Variants in TCAIM observed in about 807,000 individuals in gnomAD.
The protein encoded by TCAIM is T-cell activation inhibitor, mitochondrial.
Under a neutral mutation model 58.6 loss-of-function variants are expected in TCAIM, and 36 were observed. That is an observed-to-expected ratio of 0.61 (90% CI 0.47 to 0.81). TCAIM has a LOEUF of 0.81. Ranked by LOEUF, TCAIM falls within the 30% of genes least tolerant of loss-of-function variation. TCAIM has a pLI of 0.00. For synonymous variants in TCAIM, 172 were observed against 193.6 expected (o/e 0.89, Z 0.93); for missense variants, 466 against 579.6 (o/e 0.80, Z 2.01).
At chr3:44,386,209 CAA>C (rs10576012) in intron 5 of TCAIM, among the ~76,000 whole-genome samples, 717 of 54,944 alleles carry the variant, frequency 0.013, 3 homozygotes, top group African/African-American at 0.051. Context: ...CCAGAAGCTC[CAA>C]AAAAAAAAAA....
chr3:44,373,620 C>T (rs553022488), intron 5 of TCAIM, among the ~76,000 whole-genome samples: 3 of 151,956 alleles, frequency 2.0e-5, no homozygotes, highest in Non-Finnish European at 4.4e-5. Flanking sequence ...TGCCACTGCA[C>T]TCTAGCGTGG....
At chr3:44,391,719 A>G (rs1430083036) in intron 5 of TCAIM, among the ~76,000 whole-genome samples, 1 of 152,152 alleles carries the variant, frequency 6.6e-6, no homozygotes. Context: ...CTAGATTGGT[A>G]AGGTCTGACC....
intron 5 of TCAIM, among the ~76,000 whole-genome samples, chr3:44,387,305 C>T (rs1012174138): frequency 1.3e-5 from 2 of 152,220 alleles, no homozygotes; most frequent in Admixed American, 1.3e-4. Context: ...GCTCACCCTC[C>T]AGTTGTCCAC....
rs115492195 is a variant in TCAIM, at chr3:44,351,815, G to A, written c.-44-2924G>A. 8.9e-3 allele frequency among the ~76,000 whole-genome samples: 1,355 copies of A among 152,008 alleles called. 20 individuals carry two copies. Among genetic ancestry groups the A allele is most frequent in the African/African-American group, 0.032 (1,308 of 41,464 alleles). ...CAACCCACCTTTTTAATATTTAAAT[G>A]GATACCTATAAATGCATTCTGTCTC... On this transcript the variant is annotated intron_variant, in intron 1 of 10. Transcript: ENST00000342649.
intron 1 of TCAIM, 21 bp downstream of exon 1, chr3:44,338,855 G>A (rs1223339259): frequency 6.6e-6 from 1 of 152,294 alleles, no homozygotes; most frequent in Non-Finnish European, 1.5e-5. Context: ...AGAGGGGAGG[G>A]GCTCCGGTGG....
chr3:44,379,187 CA>C lies in TCAIM; in HGVS notation c.572+11492del, dbSNP rs757481300. Among the ~76,000 whole-genome samples, 304 of 122,122 alleles carry C rather than the reference CA, an allele frequency of 2.5e-3. 2 individuals are homozygous for C. Among genetic ancestry groups the C allele is most frequent in the East Asian group, 3.1e-3 (13 of 4,244 alleles). 80.1% of individuals were successfully genotyped at this position (122,122 alleles called of 152,430 possible). A position where few individuals can be genotyped will look rare whatever the true frequency, so the allele number is the denominator to read the frequency against. On this transcript the variant is annotated intron_variant, in intron 5 of 10. Transcript: ENST00000342649. ...TGGGTGACAGAGCAAGGCCCTGTCT[CA>C]AAAAAAAAAAAATTAATTAATAAAT...
chr3:44,357,627 A>T, intron 2 of TCAIM, 114 bp from the exon 3 acceptor site: 1 of 1,340,370 alleles, frequency 7.5e-7, no homozygotes, highest in Non-Finnish European at 9.9e-7. Context: ...ACCACAAAGT[A>T]TCTATCTTGT....
chr3:44,383,039 G>A (rs1701677996), intron 5 of TCAIM, among the ~76,000 whole-genome samples: 1 of 152,064 alleles, frequency 6.6e-6, no homozygotes, highest in Admixed American at 6.5e-5. Flanking sequence ...TGGGTGTGAG[G>A]TACCTAATCA....
In TCAIM at chr3:44,357,922, A is replaced by G. The variant is rs762345854; in HGVS notation, c.165+46A>G. On this transcript the variant is annotated intron_variant, in intron 3 of 10. Transcript: ENST00000342649. ...AAACCATTAGTGTACATTTCTGCTT[A>G]TTTACCTTTGATACAATATAATACA... 2.5e-6 allele frequency: 4 copies of G among 1,596,186 alleles called. No homozygotes were observed. The African/African-American group carries it at 4.1e-5, about 16-fold the overall frequency.
At chr3:44,341,074 A>G (rs1024985305) in intron 1 of TCAIM, 2 of 152,154 alleles carry the variant, frequency 1.3e-5, no homozygotes, top group African/African-American at 2.4e-5. Flanking sequence ...ATTTTGTTGA[A>G]TGGATAGCAG....
At chr3:44,354,402 G>C (rs983572435) in intron 1 of TCAIM, among the ~76,000 whole-genome samples, 32 of 152,012 alleles carry the variant, frequency 2.1e-4, no homozygotes, top group African/African-American at 7.7e-4. Context: ...TGGGTCTTTT[G>C]TCTCTCTTTA....
chr3:44,340,227 G>A (rs562934389), intron 1 of TCAIM: 1 of 152,332 alleles, frequency 6.6e-6, no homozygotes, highest in Admixed American at 6.5e-5. Context: ...GAAAGAGGAA[G>A]AACATTAGAT....
At chr3:44,388,622 T>C (rs1234139997) in intron 5 of TCAIM, among the ~76,000 whole-genome samples, 1 of 152,252 alleles carries the variant, frequency 6.6e-6, no homozygotes, top group Non-Finnish European at 1.5e-5. Flanking sequence ...GCTATATAAA[T>C]ATCCTTTTAC....
At chr3:44,393,542 T>C (rs1417281019) in intron 6 of TCAIM, among the ~76,000 whole-genome samples, 1 of 152,180 alleles carries the variant, frequency 6.6e-6, no homozygotes, top group Non-Finnish European at 1.5e-5. Context: ...TTTGGCGTAA[T>C]AAACTTTTTT....
At chr3:44,345,277 G>A (rs978265687) in intron 1 of TCAIM, among the ~76,000 whole-genome samples, 2 of 151,884 alleles carry the variant, frequency 1.3e-5, no homozygotes, top group African/African-American at 4.8e-5. Flanking sequence ...GCCTGGATAC[G>A]GTTTTGTATG....
rs1701937541 is a variant in TCAIM, at chr3:44,396,493, A to G, written c.789A>G (p.Ala263=). ...AGAATTTGGAAACACTTAAAAAAGC[A>G]AAAGGTAAACATTTTCCATTTTCTT... ...AQQNLETLKK[A]KGCTIIFTDR... The change falls in exon 7 of 11, where the codon GCA becomes GCG. Residue 263 remains alanine (A), a synonymous_variant. Transcript: ENST00000342649. 2 of 1,612,240 alleles carry G rather than the reference A, an allele frequency of 1.2e-6. No individual in the cohort carries two copies. Among genetic ancestry groups the G allele is most frequent in the African/African-American group, 2.7e-5 (2 of 74,616 alleles).
intron 1 of TCAIM, among the ~76,000 whole-genome samples, chr3:44,349,172 T>C (rs1025332513): frequency 6.6e-5 from 10 of 151,806 alleles, no homozygotes; most frequent in African/African-American, 2.2e-4. Context: ...AAGGAACAGA[T>C]AAGAGAGAAA....
At chr3:44,374,798 A>G (rs909919746) in intron 5 of TCAIM, among the ~76,000 whole-genome samples, 11 of 152,110 alleles carry the variant, frequency 7.2e-5, no homozygotes, top group African/African-American at 2.2e-4. Context: ...CTATTGCTCT[A>G]TGAACTTCAG....
At chr3:44,387,477 A>G (rs1005751757) in intron 5 of TCAIM, among the ~76,000 whole-genome samples, 6 of 152,208 alleles carry the variant, frequency 3.9e-5, no homozygotes, top group South Asian at 4.1e-4. Flanking sequence ...GGTGTTTCCA[A>G]GCTTCCAGGA....
Sources: gnomAD v4.1 joint callset for allele counts (sites outside exome capture counted in the v4.1 genomes callset) on GRCh38, gnomAD v4.1.1 for gene constraint, MANE v1.5 for transcripts, NCBI Gene and HGNC (gene_info 2026-07-23, HGNC 2026-07-21) for gene names.